STAMBPL1: variants seen among roughly 807,000 people sequenced by gnomAD.
STAMBPL1 encodes the protein AMSH-like protease.
In STAMBPL1, 44 loss-of-function variants were observed where a neutral mutation model predicts 52.9. The ratio of observed to expected loss-of-function variants is 0.83; its 90% CI spans 0.65 to 1.07. The LOEUF is 1.07. Ranked by LOEUF, STAMBPL1 falls within the 50% of genes least tolerant of loss-of-function variation. STAMBPL1 has a pLI of 0.00. For missense variants in STAMBPL1, 511 were observed against 520.8 expected, an observed-to-expected ratio of 0.98 and a Z score of 0.18; for synonymous variants, 164 against 177.3, an observed-to-expected ratio of 0.92 and a Z score of 0.60.
Position 88,901,589 on chromosome 10 carries a change from G to A in STAMBPL1, c.-53-67G>A, listed in dbSNP as rs1844944226. On this transcript the variant is annotated intron_variant, in intron 1 of 10. Coordinates refer to ENST00000371926, the MANE Select transcript of STAMBPL1 (RefSeq NM_020799.4). The stretch of plus-strand genomic sequence containing the variant: ...GTTTGTCTGAGGCAGAGATAACCCT[G>A]GGGTTTGGGATTTCAAACTTGGGTC... 5 of 909,454 alleles carry A rather than the reference G, an allele frequency of 5.5e-6. No homozygotes were observed. The South Asian group carries it at 6.5e-5, about 12-fold the overall frequency. 56.3% of individuals were successfully genotyped at this position (909,454 alleles called of 1,614,324 possible).
rs764466383 is a variant in STAMBPL1, at chr10:88,913,150, T to C, written c.470T>C (p.Ile157Thr). 10 of 1,612,606 alleles carry C rather than the reference T, an allele frequency of 6.2e-6. No homozygotes were observed. Among genetic ancestry groups the C allele is most frequent in the Admixed American group, 3.3e-5 (2 of 59,776 alleles). The change falls in exon 6 of 11, where the codon ATA becomes ACA. Residue 157 changes from isoleucine (I) to threonine (T), a missense_variant. Coordinates refer to ENST00000371926, the MANE Select transcript of STAMBPL1 (RefSeq NM_020799.4). Reference sequence around the variant, plus strand: ...AAAAAATTGGAGCATCAGAGATTGATAGAGGCAGAAAGGAAGCGGATTGCT... The same window carrying C: ...AAAAAATTGGAGCATCAGAGATTGACAGAGGCAGAAAGGAAGCGGATTGCT... ...ILKKLEHQRL[I>T]EAERKRIAQM...
At chr10:88,898,961 C>A (rs1229859172) in intron 1 of STAMBPL1, among the ~76,000 whole-genome samples, 1 of 152,192 alleles carries the variant, frequency 6.6e-6, no homozygotes, top group Non-Finnish European at 1.5e-5. Flanking sequence ...AAGTACATGG[C>A]GGCTGCACAT....
rs554562191 is a variant in STAMBPL1, at chr10:88,923,331, AC to A, written c.*108del. ...GAAATGACTGATATTTTATATTTAT[AC>A]ATTTTAGATGACAAAGCTTGATATT... On this transcript the variant is annotated 3_prime_UTR_variant, in exon 11 of 11. Transcript: ENST00000371926. The A allele has an allele frequency of 9.8e-4, 1,402 of 1,432,374 alleles. 7 individuals carry two copies. In the African/African-American group the frequency reaches 0.015, roughly 15 times the overall value. 88.7% of individuals were successfully genotyped at this position (1,432,374 alleles called of 1,614,324 possible). A position where few individuals can be genotyped will look rare whatever the true frequency, so the allele number is the denominator to read the frequency against.
At position 88,913,247 on chromosome 10, in the gene STAMBPL1, A is replaced by G. The variant is rs568652717; in HGVS notation, c.567A>G (p.Leu189=). 3.1e-4 allele frequency: 497 copies of G among 1,613,918 alleles called. 4 individuals carry two copies. In the South Asian group the frequency reaches 5.0e-3, roughly 16 times the overall value. Residue 189 remains leucine, a synonymous_variant, in exon 6 of 11, where the codon TTA becomes TTG. Transcript: ENST00000371926. ...FFEDQLKKQE[L]ARGQMRSQQT... is the part of the protein sequence containing the mutation. ...AAGATCAACTCAAGAAGCAAGAGTT[A>G]GCCCGAGGTCAAATGCGAAGTCAGC... is the stretch of plus-strand genomic sequence containing the variant.
chr10:88,905,514 C>A lies in STAMBPL1; in HGVS notation c.102C>A (p.Ser34Arg), dbSNP rs1845051017. 1 of 1,614,122 alleles carries A rather than the reference C, an allele frequency of 6.2e-7. No homozygotes were observed. The highest frequency in any genetic ancestry group is 1.3e-5 in the African/African-American group (1 of 75,036). The change falls in exon 3 of 11, where the codon AGC becomes AGA. Residue 34 changes from serine (S) to arginine (R), a missense_variant. By Grantham distance (110) the Ser-to-Arg change is moderately radical. Transcript: ENST00000371926. ...CAGAAGAGCGAGTCCGTGCCCTAAG[C>A]AAGCTTGGTTGTAATATCACCATCA... The part of the protein sequence containing the change: ...LSPEERVRAL[S>R]KLGCNITISE...
chr10:88,891,223 T>C (rs921582088), intron 1 of STAMBPL1, among the ~76,000 whole-genome samples: 1 of 152,198 alleles, frequency 6.6e-6, no homozygotes, highest in Non-Finnish European at 1.5e-5. Context: ...GTAGACATAT[T>C]TTAAAATTGT....
At chr10:88,903,676 G>A (rs1321582536) in intron 2 of STAMBPL1, among the ~76,000 whole-genome samples, 1 of 152,128 alleles carries the variant, frequency 6.6e-6, no homozygotes, top group Non-Finnish European at 1.5e-5. Flanking sequence ...TGGTGCTGTT[G>A]AGTTCTATAG....
At chr10:88,902,630 G>A (rs1459948650) in intron 2 of STAMBPL1, among the ~76,000 whole-genome samples, 1 of 152,006 alleles carries the variant, frequency 6.6e-6, no homozygotes, top group East Asian at 1.9e-4. Context: ...AGTGCCAATG[G>A]CACAATCTCG....
chr10:88,890,027 A>C (rs1844638689), intron 1 of STAMBPL1, among the ~76,000 whole-genome samples: 1 of 152,200 alleles, frequency 6.6e-6, no homozygotes, highest in African/African-American at 2.4e-5. Flanking sequence ...AGAGTGACCT[A>C]GTCTGATGAT....
rs184144530 is a variant in STAMBPL1, at chr10:88,883,114, G to T, written c.-54+2476G>T. Among the ~76,000 whole-genome samples, 738 of 149,386 alleles carry T rather than the reference G, an allele frequency of 4.9e-3. 7 individuals are homozygous for T. The highest frequency in any genetic ancestry group is 0.017 in the African/African-American group (700 of 40,548). On this transcript the variant is annotated intron_variant, in intron 1 of 10. Transcript: ENST00000371926. Reference sequence around the variant, plus strand: ...TATGAGTGAGAACATGCGGTGTTTGGTTTTTTGCCCTTGCGATAGTTTGCT... The same window carrying T: ...TATGAGTGAGAACATGCGGTGTTTGTTTTTTTGCCCTTGCGATAGTTTGCT...
intron 1 of STAMBPL1, among the ~76,000 whole-genome samples, chr10:88,898,189 C>A (rs6586153): frequency 0.024 from 3,635 of 152,128 alleles, 68 homozygotes; most frequent in South Asian, 0.079. Flanking sequence ...TGAGTTATAT[C>A]TATTTATATT....
At position 88,880,498 on chromosome 10, in the gene STAMBPL1, C is replaced by T. The variant is rs1209846912; in HGVS notation, c.-194C>T. 1.3e-5 allele frequency: 2 copies of T among 152,292 alleles called. No individual in the cohort carries two copies. The highest frequency in any genetic ancestry group is 2.9e-5 in the Non-Finnish European group (2 of 68,082). The allele number at this position is 152,292 out of a possible 1,614,324, so 9.4% of individuals were successfully genotyped here. ...ACGCCTCGTCGCCGGGTGCCGGTAT[C>T]ACCCCGCTGCAACGCCTTCCAGCAA... On this transcript the variant is annotated 5_prime_UTR_variant, in exon 1 of 11. Coordinates refer to ENST00000371926, the MANE Select transcript of STAMBPL1 (RefSeq NM_020799.4).
chr10:88,905,521 G>A lies in STAMBPL1; in HGVS notation c.109G>A (p.Gly37Ser). Residue 37 changes from glycine to serine, a missense_variant, in exon 3 of 11, where the codon GGT (glycine) becomes AGT (serine). Coordinates refer to ENST00000371926, the MANE Select transcript of STAMBPL1 (RefSeq NM_020799.4). Reference sequence around the variant, plus strand: ...GCGAGTCCGTGCCCTAAGCAAGCTTGGTTGTAATATCACCATCAGTGAAGA... The same window carrying A: ...GCGAGTCCGTGCCCTAAGCAAGCTTAGTTGTAATATCACCATCAGTGAAGA... ...EERVRALSKLGCNITISEDIT... is the reference protein window; with the variant it reads ...EERVRALSKLSCNITISEDIT... 6 of 1,614,088 alleles carry A rather than the reference G, an allele frequency of 3.7e-6. No homozygotes were observed. Among genetic ancestry groups the A allele is most frequent in the Non-Finnish European group, 5.1e-6 (6 of 1,180,004 alleles).
intron 5 of STAMBPL1, 188 bp from the exon 6 acceptor site, chr10:88,912,913 A>C (rs1564631607): frequency 1.6e-6 from 1 of 618,904 alleles, no homozygotes; most frequent in Admixed American, 2.8e-5. Flanking sequence ...TAGAACTGCT[A>C]TGTTAATCAG....
intron 1 of STAMBPL1, among the ~76,000 whole-genome samples, chr10:88,887,325 AAATT>A (rs1844561855): frequency 6.6e-6 from 1 of 152,210 alleles, no homozygotes. Context: ...AAAATTTAAT[AAATT>A]AAAATGTGGA....
Position 88,914,677 on chromosome 10 carries a change from A to ATAT in STAMBPL1, c.903+19_903+20insTAT. The ATAT allele has an allele frequency of 2.3e-6, 2 of 851,208 alleles. No individual in the cohort carries two copies. The highest frequency in any genetic ancestry group is 3.1e-6 in the Non-Finnish European group (2 of 644,068). 52.7% of individuals were successfully genotyped at this position (851,208 alleles called of 1,614,324 possible). A position where few individuals can be genotyped will look rare whatever the true frequency, so the allele number is the denominator to read the frequency against. ...AAAACTGGTATGATCTTTTTATATAAATATATATATATATATATCTGCATA... is the reference window on the plus strand; with the variant it reads ...AAAACTGGTATGATCTTTTTATATAATATATATATATATATATATATCTGCATA... On this transcript the variant is annotated intron_variant, in intron 7 of 10. Transcript: ENST00000371926.
At chr10:88,900,079 A>T (rs1243175221) in intron 1 of STAMBPL1, among the ~76,000 whole-genome samples, 1 of 152,164 alleles carries the variant, frequency 6.6e-6, no homozygotes, top group Non-Finnish European at 1.5e-5. Flanking sequence ...TTTAGCCTGC[A>T]GGCTTAGAGC....
At chr10:88,906,008 A>T (rs1370159914) in intron 3 of STAMBPL1, among the ~76,000 whole-genome samples, 1 of 152,178 alleles carries the variant, frequency 6.6e-6, no homozygotes, top group African/African-American at 2.4e-5. Flanking sequence ...GAGAGCAGGA[A>T]CTACAGTGCA....
chr10:88,918,826 A>G (rs902768415), intron 8 of STAMBPL1, among the ~76,000 whole-genome samples: 1 of 152,162 alleles, frequency 6.6e-6, no homozygotes, highest in African/African-American at 2.4e-5. Context: ...CTAACAAAAC[A>G]TTTTCCAAAT....
Sources: allele counts gnomAD v4.1 joint callset (sites outside exome capture counted in the v4.1 genomes callset), GRCh38; gene constraint gnomAD v4.1.1; transcripts MANE v1.5; gene names NCBI Gene and HGNC (gene_info 2026-07-23, HGNC 2026-07-21).